TNIK: variants seen among roughly 807,000 people sequenced by gnomAD.
TNIK encodes the protein TRAF2 and NCK interacting kinase, also known as TRAF2 and NCK-interacting protein kinase.
A neutral mutation model predicts 191.3 loss-of-function variants in TNIK; 49 were observed. The ratio of observed to expected loss-of-function variants is 0.26; its 90% confidence interval spans 0.20 to 0.32. The LOEUF (loss-of-function observed/expected upper bound fraction) is 0.32, where lower values mean the gene tolerates loss of function less well. Ranked by LOEUF, TNIK falls within the 10% of genes least tolerant of loss-of-function variation. The pLI is 1.00. For missense variants in TNIK, 1,155 were observed against 1,702.3 expected (o/e 0.68, Z 5.66); for synonymous variants, 594 against 600.9 (o/e 0.99, Z 0.17).
intron 7 of TNIK, among the ~76,000 whole-genome samples, chr3:171,183,861 C>T (rs1015229704): frequency 3.6e-5 from 5 of 139,130 alleles, no homozygotes; most frequent in African/African-American, 5.4e-5. Context: ...GCAGAGGTTG[C>T]AGTGAGCCGA....
intron 32 of TNIK, among the ~76,000 whole-genome samples, chr3:171,065,340 C>T (rs767144471): frequency 7.9e-5 from 12 of 152,210 alleles, no homozygotes; most frequent in African/African-American, 1.4e-4. Context: ...TTTAGGCCCA[C>T]ATCACCAGGT....
chr3:171,399,521 A>G (rs944458326), intron 1 of TNIK, among the ~76,000 whole-genome samples: 1 of 152,358 alleles, frequency 6.6e-6, no homozygotes, highest in Non-Finnish European at 1.5e-5. Flanking sequence ...AAGAGTACAA[A>G]TAGGAAACAG....
At chr3:171,076,638 G>C (rs1576912090) in intron 28 of TNIK, among the ~76,000 whole-genome samples, 1 of 152,014 alleles carries the variant, frequency 6.6e-6, no homozygotes, top group African/African-American at 2.4e-5. Context: ...ATCAGCTATG[G>C]ATTGAACAAG....
intron 1 of TNIK, among the ~76,000 whole-genome samples, chr3:171,394,930 G>A (rs1182063506): frequency 6.6e-6 from 1 of 152,122 alleles, no homozygotes; most frequent in South Asian, 2.1e-4. Context: ...AGGGGGAGGA[G>A]AGAACATGTC....
intron 7 of TNIK, among the ~76,000 whole-genome samples, chr3:171,185,040 A>C (rs1737183238): frequency 6.6e-6 from 1 of 152,218 alleles, no homozygotes; most frequent in Non-Finnish European, 1.5e-5. Context: ...TTGGCTTCAT[A>C]TAAGAGCAAG....
intron 22 of TNIK, among the ~76,000 whole-genome samples, chr3:171,096,418 G>A (rs1308322275): frequency 6.6e-6 from 1 of 151,966 alleles, no homozygotes; most frequent in Non-Finnish European, 1.5e-5. Context: ...GGATAAACTT[G>A]AAGCTCCTTA....
At chr3:171,337,800 C>T (rs911243954) in intron 2 of TNIK, among the ~76,000 whole-genome samples, 5 of 152,146 alleles carry the variant, frequency 3.3e-5, no homozygotes, top group African/African-American at 9.7e-5. Context: ...ATGCAAGCAA[C>T]AGATTTTCAG....
chr3:171,234,552 G>T (rs752000881), intron 2 of TNIK, among the ~76,000 whole-genome samples: 3 of 152,122 alleles, frequency 2.0e-5, no homozygotes, highest in Non-Finnish European at 4.4e-5. Flanking sequence ...ACTGTTCAGG[G>T]GTGGGCCAAC....
intron 1 of TNIK, among the ~76,000 whole-genome samples, chr3:171,446,565 C>T (rs1219836125): frequency 6.6e-6 from 1 of 152,200 alleles, no homozygotes; most frequent in Admixed American, 6.5e-5. Context: ...TACTTATAAA[C>T]CAGGTTGAAA....
chr3:171,156,604 T>TGA (rs1156554827), intron 12 of TNIK, among the ~76,000 whole-genome samples: 2 of 151,982 alleles, frequency 1.3e-5, no homozygotes, highest in African/African-American at 4.8e-5. Flanking sequence ...GAAGGAGGCC[T>TGA]GAGATATCTG....
intron 2 of TNIK, among the ~76,000 whole-genome samples, chr3:171,271,816 G>A (rs1749141595): frequency 6.6e-6 from 1 of 152,140 alleles, no homozygotes; most frequent in Non-Finnish European, 1.5e-5. Context: ...CATGTAAGAT[G>A]CTAGGACTCA....
intron 2 of TNIK, among the ~76,000 whole-genome samples, chr3:171,342,824 C>T (rs927380647): frequency 6.6e-6 from 1 of 152,186 alleles, no homozygotes; most frequent in African/African-American, 2.4e-5. Context: ...CTAATCCCCT[C>T]ATGTCATGGG....
intron 18 of TNIK, among the ~76,000 whole-genome samples, chr3:171,113,417 A>C (rs1469441251): frequency 6.6e-6 from 1 of 152,154 alleles, no homozygotes; most frequent in Non-Finnish European, 1.5e-5. Context: ...CATCCTGGCT[A>C]ACACAGTGAA....
intron 1 of TNIK, among the ~76,000 whole-genome samples, chr3:171,389,448 C>T (rs879290503): frequency 2.0e-5 from 3 of 152,146 alleles, no homozygotes; most frequent in Non-Finnish European, 2.9e-5. Context: ...CACTAAAGAT[C>T]TATGAATAAA....
intron 1 of TNIK, among the ~76,000 whole-genome samples, chr3:171,394,164 C>G (rs1719935588): frequency 6.6e-6 from 1 of 152,174 alleles, no homozygotes; most frequent in Non-Finnish European, 1.5e-5. Context: ...GACCCTTCCC[C>G]CTGTTTGAAC....
At position 171,157,519 on chromosome 3, in the gene TNIK, G is replaced by A. The variant is rs1210951307; in HGVS notation, c.1162C>T (p.Leu388=). 4.4e-6 allele frequency: 7 copies of A among 1,573,234 alleles called. No individual in the cohort carries two copies. Among genetic ancestry groups the A allele is most frequent in the African/African-American group, 4.1e-5 (3 of 73,854 alleles). ...TCGATGCGCTTCTGACGCTCGGCCA[G>A]CAGCTGCCGCTTGTGCTCCTCATTC... ...RENEEHKRQL[L]AERQKRIEEQ... The change falls in exon 12 of 33, where the codon CTG becomes TTG. Residue 388 remains leucine, a synonymous_variant. Coordinates refer to ENST00000436636, the MANE Select transcript of TNIK (RefSeq NM_015028.4).
intron 2 of TNIK, among the ~76,000 whole-genome samples, chr3:171,286,075 T>TTA (rs1750977318): frequency 6.6e-6 from 1 of 152,206 alleles, no homozygotes; most frequent in Admixed American, 6.5e-5. Flanking sequence ...TATTTCCTGG[T>TTA]TAGCCTTTGC....
At chr3:171,084,463 T>G (rs1463169553) in intron 25 of TNIK, 138 bp from the exon 26 acceptor site, 2 of 1,031,370 alleles carry the variant, frequency 1.9e-6, no homozygotes, top group Non-Finnish European at 2.8e-6. Flanking sequence ...TCTCCTTATT[T>G]TACACTTTTT....
At chr3:171,150,475 T>TTC (rs2108679218) in intron 12 of TNIK, among the ~76,000 whole-genome samples, 1 of 152,332 alleles carries the variant, frequency 6.6e-6, no homozygotes, top group African/African-American at 2.4e-5. Flanking sequence ...AAGCTTGTTA[T>TTC]TCACTCAGCA....
Sources: gnomAD v4.1 joint callset for allele counts (sites outside exome capture counted in the v4.1 genomes callset) on GRCh38, gnomAD v4.1.1 for gene constraint, MANE v1.5 for transcripts, NCBI Gene and HGNC (gene_info 2026-07-23, HGNC 2026-07-21) for gene names.